LARP4: variants seen among roughly 807,000 people sequenced by gnomAD.
LARP4 encodes la-related protein 4.
Under a neutral mutation model 92.9 loss-of-function variants are expected in LARP4, and 29 were observed. The observed-to-expected ratio is 0.31, with a 90% CI of 0.23 to 0.43. The LOEUF is 0.43. Among genes scored for constraint, LARP4 ranks in the 20% least tolerant of loss-of-function variants. The pLI, the probability that LARP4 is intolerant of heterozygous loss-of-function variation, is 1.00. For synonymous variants in LARP4, 279 were observed against 284.1 expected (o/e 0.98, Z 0.18); for missense variants, 732 against 860.0 (o/e 0.85, Z 1.86).
At chr12:50,411,157 T>C (rs138516616) in intron 1 of LARP4, among the ~76,000 whole-genome samples, 241 of 151,818 alleles carry the variant, frequency 1.6e-3, no homozygotes, top group African/African-American at 5.7e-3. Context: ...ACTGAATCAG[T>C]CTGCATTTTA....
intron 10 of LARP4, among the ~76,000 whole-genome samples, chr12:50,458,929 T>G (rs1204775501): frequency 6.6e-6 from 1 of 152,222 alleles, no homozygotes; most frequent in African/African-American, 2.4e-5. Context: ...TTTTCCTAGT[T>G]TGCTGTCCTA....
chr12:50,456,612 ACT>A (rs1593299123), intron 10 of LARP4, among the ~76,000 whole-genome samples: 1 of 152,310 alleles, frequency 6.6e-6, no homozygotes, highest in East Asian at 1.9e-4. Flanking sequence ...AGAGAATAGG[ACT>A]AACTTTCAGA....
chr12:50,474,638 C>T (rs1278821955), intron 15 of LARP4, among the ~76,000 whole-genome samples: 1 of 152,174 alleles, frequency 6.6e-6, no homozygotes, highest in Non-Finnish European at 1.5e-5. Flanking sequence ...TGAGCCACCG[C>T]GCCTGGCCCA....
At position 50,440,480 on chromosome 12, in the gene LARP4, G is replaced by A. The variant is rs774934704; in HGVS notation, c.681G>A (p.Val227=). The change falls in exon 7 of 16, where the codon GTG becomes GTA. Residue 227 remains valine, a synonymous_variant. Transcript: ENST00000398473. ...GLFKSENCPK[V]ISCEFAHNSN... is the part of the protein sequence containing the mutation. Reference sequence around the variant, plus strand: ...TCAAAAGTGAAAACTGCCCCAAAGTGATAAGCTGTGAGTTTGCACACAATA... The same window carrying A: ...TCAAAAGTGAAAACTGCCCCAAAGTAATAAGCTGTGAGTTTGCACACAATA... The A allele has an allele frequency of 6.2e-7, 1 of 1,614,010 alleles. No homozygotes were observed.
At chr12:50,450,281 CCAGGCT>C (rs1424582659) in intron 8 of LARP4, among the ~76,000 whole-genome samples, 1 of 151,984 alleles carries the variant, frequency 6.6e-6, no homozygotes, top group Admixed American at 6.6e-5. Flanking sequence ...TCAAGATGTT[CCAGGCT>C]CTTACACATT....
At chr12:50,430,185 C>A (rs1949436759) in intron 3 of LARP4, among the ~76,000 whole-genome samples, 1 of 152,002 alleles carries the variant, frequency 6.6e-6, no homozygotes, top group African/African-American at 2.4e-5. Context: ...TAATGAGAGC[C>A]TGTCTCTACA....
intron 5 of LARP4, 87 bp downstream of exon 5, chr12:50,435,711 A>G: frequency 2.1e-6 from 2 of 934,244 alleles, no homozygotes; most frequent in Non-Finnish European, 3.2e-6. Flanking sequence ...AATTATTTTT[A>G]CTGCCCCCTC....
At chr12:50,457,935 C>CTTTT (rs58926495) in intron 10 of LARP4, among the ~76,000 whole-genome samples, 4 of 140,108 alleles carry the variant, frequency 2.9e-5, no homozygotes, top group Non-Finnish European at 4.7e-5. Flanking sequence ...CTCAACCCAA[C>CTTTT]TTTTTTTTTT....
intron 13 of LARP4, among the ~76,000 whole-genome samples, chr12:50,467,974 A>AT (rs1264451405): frequency 1.3e-5 from 2 of 150,844 alleles, no homozygotes; most frequent in African/African-American, 4.9e-5. Flanking sequence ...GTATTTCTTT[A>AT]TTTTTTTATT....
chr12:50,406,001 T>C (rs1007056233), intron 1 of LARP4, among the ~76,000 whole-genome samples: 58 of 152,326 alleles, frequency 3.8e-4, no homozygotes, highest in African/African-American at 1.4e-3. Flanking sequence ...ACATTGTCAG[T>C]ACAGATGCAA....
At position 50,462,498 on chromosome 12, in the gene LARP4, G is replaced by A. The variant is rs962055099; in HGVS notation, c.1335-84G>A. 22 of 815,404 alleles carry A rather than the reference G, an allele frequency of 2.7e-5. 1 individual carries two copies. The highest frequency in any genetic ancestry group is 1.0e-4 in the Admixed American group (4 of 39,154). 50.5% of individuals were successfully genotyped at this position (815,404 alleles called of 1,614,324 possible). ...TCTCAAAAAAAAAAAAAATGTGTAC[G>A]GCTTTGATAGAATGTATATATCTGA... is the stretch of plus-strand genomic sequence containing the variant. On this transcript the variant is annotated intron_variant, in intron 11 of 15. Transcript: ENST00000398473.
chr12:50,462,542 C>CCG, intron 11 of LARP4, 40 bp from the exon 12 acceptor site: 1 of 988,970 alleles, frequency 1.0e-6, no homozygotes, highest in Non-Finnish European at 1.6e-6. Context: ...ATGACTTGTC[C>CCG]CTCCACCCCA....
intron 1 of LARP4, among the ~76,000 whole-genome samples, chr12:50,404,782 T>A (rs1195176015): frequency 6.8e-6 from 1 of 146,936 alleles, no homozygotes. Context: ...CTCCACCTCC[T>A]GGGTTCAAGT....
chr12:50,460,432 GTCT>G (rs556371138), intron 10 of LARP4, among the ~76,000 whole-genome samples: 60 of 152,228 alleles, frequency 3.9e-4, no homozygotes, highest in African/African-American at 1.4e-3. Context: ...GGCCCAAGCA[GTCT>G]TCTGCCTCAG....
At chr12:50,453,852 C>T (rs181056818) in intron 9 of LARP4, among the ~76,000 whole-genome samples, 180 bp downstream of exon 9, 10 of 152,038 alleles carry the variant, frequency 6.6e-5, no homozygotes, top group South Asian at 2.1e-4. Flanking sequence ...AGGCTGGTCT[C>T]GAACTCCTGT....
At chr12:50,406,128 G>C (rs1944787932) in intron 1 of LARP4, among the ~76,000 whole-genome samples, 1 of 152,116 alleles carries the variant, frequency 6.6e-6, no homozygotes, top group African/African-American at 2.4e-5. Flanking sequence ...TTAGGTAGCA[G>C]TTAAGTTTCA....
intron 1 of LARP4, among the ~76,000 whole-genome samples, chr12:50,423,350 T>C (rs1948166567): frequency 6.6e-6 from 1 of 152,210 alleles, no homozygotes; most frequent in Non-Finnish European, 1.5e-5. Flanking sequence ...TACACAGTTA[T>C]TTTGATAGAA....
At chr12:50,468,586 C>T (rs375284511) in intron 13 of LARP4, among the ~76,000 whole-genome samples, 3 of 152,156 alleles carry the variant, frequency 2.0e-5, no homozygotes, top group Non-Finnish European at 2.9e-5. Flanking sequence ...CATGAGCCAC[C>T]GCGCCCTGCC....
intron 7 of LARP4, among the ~76,000 whole-genome samples, chr12:50,440,904 G>A (rs1317112917): frequency 6.8e-6 from 1 of 147,900 alleles, no homozygotes; most frequent in African/African-American, 2.5e-5. Context: ...TTTTTTTTGA[G>A]ACGGAGTCTC....
Sources: gnomAD v4.1 joint callset for allele counts (sites outside exome capture counted in the v4.1 genomes callset) on GRCh38, gnomAD v4.1.1 for gene constraint, MANE v1.5 for transcripts, NCBI Gene and HGNC (gene_info 2026-07-23, HGNC 2026-07-21) for gene names.